STT3B: variants seen among roughly 807,000 people sequenced by gnomAD.
STT3B encodes the protein dolichyl-diphosphooligosaccharide--protein glycosyltransferase subunit STT3B.
In STT3B, 29 loss-of-function variants were observed where a neutral mutation model predicts 96.8. The observed-to-expected ratio is 0.30, with a 90% confidence interval of 0.22 to 0.41. The LOEUF (loss-of-function observed/expected upper bound fraction) is 0.41. Ranked by LOEUF, STT3B falls within the 10% of genes least tolerant of loss-of-function variation. The pLI is 1.00. For missense variants in STT3B, 640 were observed against 1,022.3 expected (o/e 0.63, Z 5.10); for synonymous variants, 367 against 360.0 (o/e 1.02, Z -0.22).
chr3:31,541,925 G>A (rs1163428804), intron 1 of STT3B, among the ~76,000 whole-genome samples: 2 of 152,152 alleles, frequency 1.3e-5, no homozygotes, highest in African/African-American at 4.8e-5. Flanking sequence ...TGACGGGGTT[G>A]CCTGTTCTTT....
chr3:31,590,534 C>G (rs1698642896), intron 3 of STT3B, among the ~76,000 whole-genome samples: 1 of 151,910 alleles, frequency 6.6e-6, no homozygotes. Flanking sequence ...TTCTTTGACT[C>G]ATGGGTTTTT....
At chr3:31,582,198 G>T (rs573584048) in intron 3 of STT3B, among the ~76,000 whole-genome samples, 3 of 151,436 alleles carry the variant, frequency 2.0e-5, no homozygotes, top group Non-Finnish European at 2.9e-5. Context: ...TGTATATGCT[G>T]CTGAAGCAAG....
chr3:31,627,154 G>A (rs980948499), intron 13 of STT3B, among the ~76,000 whole-genome samples: 9 of 152,234 alleles, frequency 5.9e-5, no homozygotes, highest in East Asian at 1.9e-4. Flanking sequence ...GCACTGGTCC[G>A]TGGCCTGTTA....
At chr3:31,571,450 TG>T (rs1383591529) in intron 1 of STT3B, among the ~76,000 whole-genome samples, 2 of 152,140 alleles carry the variant, frequency 1.3e-5, no homozygotes, top group African/African-American at 4.8e-5. Context: ...TCACAACCCT[TG>T]CACAATTCTC....
chr3:31,622,000 A>G (rs1241576708), intron 9 of STT3B, 97 bp from the exon 10 acceptor site: 8 of 763,780 alleles, frequency 1.0e-5, no homozygotes, highest in Non-Finnish European at 1.8e-5. Context: ...TGAGACATTT[A>G]TATAATTCCA....
At chr3:31,556,399 C>T (rs1697712119) in intron 1 of STT3B, among the ~76,000 whole-genome samples, 1 of 152,150 alleles carries the variant, frequency 6.6e-6, no homozygotes, top group African/African-American at 2.4e-5. Flanking sequence ...CTAATTTCTT[C>T]TCCTTTGGAT....
intron 6 of STT3B, 63 bp from the exon 7 acceptor site, chr3:31,616,866 G>A (rs1699317909): frequency 2.8e-6 from 4 of 1,453,798 alleles, no homozygotes; most frequent in Non-Finnish European, 3.7e-6. Context: ...TCTTTCAAAT[G>A]AAAGTTTTTA....
intron 1 of STT3B, among the ~76,000 whole-genome samples, chr3:31,534,992 T>A (rs1222902965): frequency 6.6e-6 from 1 of 152,296 alleles, no homozygotes; most frequent in East Asian, 1.9e-4. Context: ...AAATGAAAAC[T>A]AGTATTTACT....
In STT3B at chr3:31,546,076, C is replaced by A. The variant is rs952941771; in HGVS notation, c.314+12764C>A. Among the ~76,000 whole-genome samples, 3 of 152,088 alleles carry A rather than the reference C, an allele frequency of 2.0e-5. No homozygotes were observed. In the East Asian group the frequency reaches 5.8e-4, roughly 29 times the overall value. On this transcript the variant is annotated intron_variant, in intron 1 of 15. Coordinates refer to ENST00000295770, the MANE Select transcript of STT3B (RefSeq NM_178862.3). ...AGTTTTTTTTCTATTGTGAAACATG[C>A]TACTATGAACATTAAAACTGTTTTC...
At chr3:31,624,415 C>A (rs1410198041) in intron 11 of STT3B, among the ~76,000 whole-genome samples, 1 of 152,188 alleles carries the variant, frequency 6.6e-6, no homozygotes, top group African/African-American at 2.4e-5. Flanking sequence ...GGTCTTTGTA[C>A]ACACAGCATC....
At chr3:31,584,821 T>C (rs1003719041) in intron 3 of STT3B, among the ~76,000 whole-genome samples, 15 of 152,262 alleles carry the variant, frequency 9.9e-5, no homozygotes, top group Non-Finnish European at 1.5e-4. Context: ...ATTGACACTT[T>C]TGAATCTCAT....
intron 6 of STT3B, among the ~76,000 whole-genome samples, chr3:31,615,700 A>C (rs111702100): frequency 6.6e-6 from 1 of 152,066 alleles, no homozygotes; most frequent in African/African-American, 2.4e-5. Context: ...TAGAATGTCT[A>C]TGTAATTACG....
At position 31,597,698 on chromosome 3, in the gene STT3B, A is replaced by G. The variant is rs947207642; in HGVS notation, c.777+835A>G. Among the ~76,000 whole-genome samples the G allele has an allele frequency of 1.1e-4, 16 of 152,138 alleles. 1 individual carries two copies. Among genetic ancestry groups the G allele is most frequent in the Non-Finnish European group, 2.1e-4 (14 of 68,008 alleles). On this transcript the variant is annotated intron_variant, in intron 4 of 15. Coordinates refer to ENST00000295770, the MANE Select transcript of STT3B (RefSeq NM_178862.3). ...GGTCTTAAGCTCCTGGCCTCAAGCAATCCTCCTACGTTAGCCTCCCAAAGC... is the reference window on the plus strand; with the variant it reads ...GGTCTTAAGCTCCTGGCCTCAAGCAGTCCTCCTACGTTAGCCTCCCAAAGC...
At chr3:31,548,685 C>A (rs551495125) in intron 1 of STT3B, among the ~76,000 whole-genome samples, 2 of 152,056 alleles carry the variant, frequency 1.3e-5, no homozygotes, top group African/African-American at 2.4e-5. Context: ...TTCTCTGCTC[C>A]GTCATTAGTT....
chr3:31,566,023 G>T (rs904749490), intron 1 of STT3B, among the ~76,000 whole-genome samples: 1 of 152,052 alleles, frequency 6.6e-6, no homozygotes, highest in Non-Finnish European at 1.5e-5. Context: ...TACTTGTTTA[G>T]CATTTGAATC....
chr3:31,556,908 T>A (rs894667104), intron 1 of STT3B, among the ~76,000 whole-genome samples: 1 of 152,220 alleles, frequency 6.6e-6, no homozygotes, highest in Admixed American at 6.5e-5. Flanking sequence ...GCCATTTGTC[T>A]CTTTTTGTTT....
At chr3:31,543,201 A>T (rs1016944820) in intron 1 of STT3B, among the ~76,000 whole-genome samples, 4 of 152,162 alleles carry the variant, frequency 2.6e-5, no homozygotes, top group Non-Finnish European at 5.9e-5. Flanking sequence ...AATTTTACTT[A>T]GGACTGTTTA....
At chr3:31,547,665 G>A (rs1254891280) in intron 1 of STT3B, among the ~76,000 whole-genome samples, 2 of 152,158 alleles carry the variant, frequency 1.3e-5, no homozygotes, top group Non-Finnish European at 1.5e-5. Context: ...CTGTAGGCAC[G>A]CATCAAGTAC....
intron 1 of STT3B, among the ~76,000 whole-genome samples, chr3:31,551,525 G>T (rs1335039030): frequency 1.3e-5 from 2 of 152,086 alleles, no homozygotes; most frequent in Non-Finnish European, 2.9e-5. Context: ...CCTCTTTCCT[G>T]ATTCTTTTAT....
Sources: allele counts gnomAD v4.1 joint callset (sites outside exome capture counted in the v4.1 genomes callset), GRCh38; gene constraint gnomAD v4.1.1; transcripts MANE v1.5; gene names NCBI Gene and HGNC (gene_info 2026-07-23, HGNC 2026-07-21).